The following CCDC66 variants were observed in gnomAD, a reference collection of about 807,000 sequenced individuals.
The protein encoded by CCDC66 is coiled-coil domain-containing protein 66.
CCDC66 carries 133 observed loss-of-function variants against 128.3 expected under a neutral mutation model. The ratio of observed to expected loss-of-function variants is 1.04; its 90% CI spans 0.90 to 1.20. CCDC66 has a LOEUF of 1.20. Among genes scored for constraint, CCDC66 ranks in the 50% most tolerant of loss-of-function variants. CCDC66 has a pLI of 0.00. For missense variants in CCDC66, 1,126 were observed against 1,075.5 expected (o/e 1.05, Z -0.66); for synonymous variants, 387 against 357.0 (o/e 1.08, Z -0.95).
At chr3:56,597,382 C>T (rs1381875494) in intron 10 of CCDC66, among the ~76,000 whole-genome samples, 1 of 151,910 alleles carries the variant, frequency 6.6e-6, no homozygotes, top group East Asian at 1.9e-4. Context: ...GTTATTACGG[C>T]TCTTTTTTGG....
intron 7 of CCDC66, among the ~76,000 whole-genome samples, chr3:56,578,888 T>C (rs1045056064): frequency 1.3e-5 from 2 of 151,848 alleles, no homozygotes; most frequent in East Asian, 4.0e-4. Context: ...TGTTGTGTCT[T>C]TGCCAGGCTT....
intron 12 of CCDC66, 122 bp downstream of exon 12, chr3:56,615,394 C>G: frequency 1.1e-6 from 1 of 903,488 alleles, no homozygotes; most frequent in Non-Finnish European, 1.6e-6. Context: ...GCAGTGGTGC[C>G]ATCACAGCTC....
At chr3:56,596,539 A>G (rs890128663) in intron 10 of CCDC66, among the ~76,000 whole-genome samples, 2 of 151,974 alleles carry the variant, frequency 1.3e-5, no homozygotes, top group Non-Finnish European at 2.9e-5. Context: ...TGAATATTCA[A>G]ACTGGGGGAC....
intron 7 of CCDC66, among the ~76,000 whole-genome samples, chr3:56,571,877 C>G (rs1046074359): frequency 5.3e-5 from 8 of 151,950 alleles, no homozygotes; most frequent in African/African-American, 1.9e-4. Context: ...CTCCACCATG[C>G]CCAGCTAATT....
chr3:56,620,409 C>CAA (rs2107476135), intron 17 of CCDC66: 1 of 153,274 alleles, frequency 6.5e-6, no homozygotes, highest in East Asian at 1.9e-4. Context: ...CTGATTAAAA[C>CAA]AAACAGGTAA....
chr3:56,565,608 A>G lies in CCDC66; in HGVS notation c.545-986A>G, dbSNP rs570319103. Among the ~76,000 whole-genome samples, 296 of 143,810 alleles carry G rather than the reference A, an allele frequency of 2.1e-3. 12 individuals are homozygous for G. The South Asian group carries it at 0.06, about 29-fold the overall frequency. The allele number at this position is 143,810 out of a possible 152,430, so 94.3% of individuals were successfully genotyped here. A position where few individuals can be genotyped will look rare whatever the true frequency, so the allele number is the denominator to read the frequency against. On this transcript the variant is annotated intron_variant, in intron 4 of 17. Coordinates refer to ENST00000394672, the MANE Select transcript of CCDC66 (RefSeq NM_001141947.3). ...ACCCAGCCATATAATTTTTATTTTTATTTTTTATTTATTATTATTATTTTT... is the reference window on the plus strand; with the variant it reads ...ACCCAGCCATATAATTTTTATTTTTGTTTTTTATTTATTATTATTATTTTT...
chr3:56,596,099 T>C (rs1272066709), intron 10 of CCDC66, among the ~76,000 whole-genome samples: 1 of 152,196 alleles, frequency 6.6e-6, no homozygotes, highest in Non-Finnish European at 1.5e-5. Flanking sequence ...TTTTTTCTTT[T>C]ATAGAGACAC....
In CCDC66 at chr3:56,613,761, A is replaced by C; in HGVS notation, c.1566+11A>C. ...CAAAAACAAAAGGAAGTAGGTACTTACATTCTAATTGTAACTTTGGTTTTT... is the reference window on the plus strand; with the variant it reads ...CAAAAACAAAAGGAAGTAGGTACTTCCATTCTAATTGTAACTTTGGTTTTT... On this transcript the variant is annotated intron_variant, in intron 11 of 17. Coordinates refer to ENST00000394672, the MANE Select transcript of CCDC66 (RefSeq NM_001141947.3). 6.3e-7 allele frequency: 1 copy of C among 1,597,680 alleles called. No individual in the cohort carries two copies.
intron 1 of CCDC66, among the ~76,000 whole-genome samples, chr3:56,558,383 A>G (rs1414813025): frequency 6.6e-6 from 1 of 152,110 alleles, no homozygotes. Flanking sequence ...TGAAAGTGGT[A>G]CTCTTTGCTC....
At chr3:56,600,934 T>C (rs1194313668) in intron 10 of CCDC66, among the ~76,000 whole-genome samples, 1 of 152,128 alleles carries the variant, frequency 6.6e-6, no homozygotes, top group African/African-American at 2.4e-5. Context: ...GGGTTGCCTG[T>C]TCACTCTGAT....
intron 12 of CCDC66, 198 bp from the exon 13 acceptor site, chr3:56,615,724 C>A: frequency 2.6e-6 from 1 of 390,344 alleles, no homozygotes; most frequent in African/African-American, 2.1e-5. Flanking sequence ...CTTTTTGTGT[C>A]TATTTTTACC....
intron 7 of CCDC66, among the ~76,000 whole-genome samples, chr3:56,584,856 G>A (rs376944384): frequency 2.6e-5 from 4 of 151,972 alleles, no homozygotes; most frequent in East Asian, 2.0e-4. Flanking sequence ...TCGGGAGGCC[G>A]AGGCTGGCAG....
intron 7 of CCDC66, among the ~76,000 whole-genome samples, chr3:56,591,334 G>T (rs962650920): frequency 2.6e-5 from 4 of 152,148 alleles, no homozygotes; most frequent in African/African-American, 9.7e-5. Context: ...TGAATAATTT[G>T]CAATGCCACT....
intron 7 of CCDC66, among the ~76,000 whole-genome samples, chr3:56,591,010 A>G (rs2070791286): frequency 6.6e-6 from 1 of 152,226 alleles, no homozygotes; most frequent in Non-Finnish European, 1.5e-5. Flanking sequence ...TGCATGCAGT[A>G]AACCAAAAGG....
intron 7 of CCDC66, among the ~76,000 whole-genome samples, chr3:56,590,757 AAAAAT>A (rs1159892669): frequency 6.6e-6 from 1 of 152,124 alleles, no homozygotes; most frequent in Non-Finnish European, 1.5e-5. Context: ...CCTAAAAAAA[AAAAAT>A]AAAAACACAA....
Position 56,571,164 on chromosome 3 carries a change from A to G in CCDC66, c.815-17A>G. On this transcript the variant is annotated splice_polypyrimidine_tract_variant and intron_variant, in intron 6 of 17. Coordinates refer to ENST00000394672, the MANE Select transcript of CCDC66 (RefSeq NM_001141947.3). ...TACAGTTTTTGTACATTTTTTTAAA[A>G]AGGACATTATTTACAGATGAACAGG... The G allele has an allele frequency of 6.7e-7, 1 of 1,483,324 alleles. No individual in the cohort carries two copies. Among genetic ancestry groups the G allele is most frequent in the Admixed American group, 2.3e-5 (1 of 43,448 alleles). 91.9% of individuals were successfully genotyped at this position (1,483,324 alleles called of 1,614,324 possible).
chr3:56,560,689 C>T (rs544381760), intron 3 of CCDC66, among the ~76,000 whole-genome samples: 2 of 152,310 alleles, frequency 1.3e-5, no homozygotes, highest in South Asian at 4.1e-4. Flanking sequence ...CACTGCACTC[C>T]AGCCTGGGGG....
At chr3:56,583,675 A>G (rs2068835254) in intron 7 of CCDC66, among the ~76,000 whole-genome samples, 1 of 151,896 alleles carries the variant, frequency 6.6e-6, no homozygotes, top group Non-Finnish European at 1.5e-5. Flanking sequence ...ACAGAACAAA[A>G]TGGAGTCTCC....
intron 10 of CCDC66, among the ~76,000 whole-genome samples, chr3:56,598,352 TTTTA>T (rs1184103097): frequency 6.6e-6 from 1 of 151,524 alleles, no homozygotes; most frequent in East Asian, 1.9e-4. Flanking sequence ...TTTTATTTTA[TTTTA>T]TTTATTTTCT....
Sources: allele counts gnomAD v4.1 joint callset (sites outside exome capture counted in the v4.1 genomes callset), GRCh38; gene constraint gnomAD v4.1.1; transcripts MANE v1.5; gene names NCBI Gene and HGNC (gene_info 2026-07-23, HGNC 2026-07-21).